The following SF3B3 variants were observed in gnomAD, a reference collection of about 807,000 sequenced individuals.
SF3B3 encodes the protein SAP 130.
In SF3B3, 33 loss-of-function variants were observed where a neutral mutation model predicts 139.2. The ratio of observed to expected loss-of-function variants is 0.24; its 90% CI spans 0.18 to 0.32. The LOEUF is 0.32. Among genes scored for constraint, SF3B3 ranks in the 10% least tolerant of loss-of-function variants. The probability of loss-of-function intolerance (pLI) is 1.00; values close to 1 mark genes in which losing one functional copy is unlikely to be tolerated. For synonymous variants in SF3B3, 596 were observed against 563.6 expected, an observed-to-expected ratio of 1.06 and a Z score of -0.81; for missense variants, 818 against 1,509.4, an observed-to-expected ratio of 0.54 and a Z score of 7.59.
intron 22 of SF3B3, 67 bp downstream of exon 22, chr16:70,568,562 A>G: frequency 7.8e-7 from 1 of 1,278,374 alleles, no homozygotes. Context: ...TCTTGTGGGT[A>G]AAGCCAAGGA....
intron 11 of SF3B3, among the ~76,000 whole-genome samples, chr16:70,549,237 A>T (rs1409159755): frequency 6.6e-6 from 1 of 152,194 alleles, no homozygotes; most frequent in Non-Finnish European, 1.5e-5. Context: ...ATTCTGCCTG[A>T]TATTTAGATA....
At chr16:70,548,612 C>A (rs2050291174) in intron 11 of SF3B3, 170 bp downstream of exon 11, 2 of 580,764 alleles carry the variant, frequency 3.4e-6, no homozygotes, top group Non-Finnish European at 6.1e-6. Context: ...ATGCCTTCAC[C>A]TACCATTTCT....
chr16:70,538,017 A>T (rs780712077), intron 6 of SF3B3: 1 of 569,770 alleles, frequency 1.8e-6, no homozygotes, highest in Non-Finnish European at 3.4e-6. Flanking sequence ...GCCTGAAATG[A>T]TGACTCTTTA....
At chr16:70,563,195 C>T (rs1467958148) in intron 17 of SF3B3, among the ~76,000 whole-genome samples, 1 of 152,186 alleles carries the variant, frequency 6.6e-6, no homozygotes, top group African/African-American at 2.4e-5. Flanking sequence ...GTCTTGAACT[C>T]CTAGCCTTAG....
intron 1 of SF3B3, among the ~76,000 whole-genome samples, chr16:70,525,337 T>C (rs986119701): frequency 1.4e-4 from 22 of 152,136 alleles, no homozygotes; most frequent in African/African-American, 4.8e-4. Flanking sequence ...GCCTCGTATA[T>C]AGTTTTTCTA....
chr16:70,567,367 G>C (rs1379520223), intron 20 of SF3B3, 44 bp from the exon 21 acceptor site: 1 of 1,584,150 alleles, frequency 6.3e-7, no homozygotes, highest in African/African-American at 1.4e-5. Flanking sequence ...GCCTGTGTCT[G>C]GCTGGCATTT....
rs906603965 is a variant in SF3B3, at chr16:70,544,683, T to C, written c.1329+150T>C. 10 of 597,220 alleles carry C rather than the reference T, an allele frequency of 1.7e-5. No individual in the cohort carries two copies. In the Admixed American group the frequency reaches 3.1e-4, roughly 18 times the overall value. The allele number at this position is 597,220 out of a possible 1,614,324, so 37.0% of individuals were successfully genotyped here. ...TCCCTGACTTCCCCGAAGTTTATACTTCAGATTTTCTTTCTTTTTGTCTCC... is the reference window on the plus strand; with the variant it reads ...TCCCTGACTTCCCCGAAGTTTATACCTCAGATTTTCTTTCTTTTTGTCTCC... On this transcript the variant is annotated intron_variant, in intron 10 of 25. Transcript: ENST00000302516.
At chr16:70,548,653 G>T in intron 11 of SF3B3, 1 of 544,342 alleles carries the variant, frequency 1.8e-6, no homozygotes. Context: ...GGGAACATAG[G>T]TTGGCTGTTA....
intron 17 of SF3B3, among the ~76,000 whole-genome samples, chr16:70,562,427 C>T (rs1250944388): frequency 6.6e-6 from 1 of 152,174 alleles, no homozygotes; most frequent in Non-Finnish European, 1.5e-5. Context: ...ATCAAATGAG[C>T]TCCCAAAATT....
At chr16:70,537,870 T>TA (rs1207497246) in intron 6 of SF3B3, 2 of 358,998 alleles carry the variant, frequency 5.6e-6, no homozygotes, top group Admixed American at 3.6e-5. Flanking sequence ...GCCCAGGAGT[T>TA]AGAGACCAGT....
rs1055500627 is a variant in SF3B3, at chr16:70,542,841, C to A, written c.1233+1007C>A. ...GGTTCACGCCATTCTCCTGCCTTAG[C>A]CTCCCTAGTAGCTGGGACTACAAGC... On this transcript the variant is annotated intron_variant, in intron 9 of 25. Transcript: ENST00000302516. Among the ~76,000 whole-genome samples, 4 of 151,596 alleles carry A rather than the reference C, an allele frequency of 2.6e-5. No homozygotes were observed. The South Asian group carries it at 8.3e-4, about 32-fold the overall frequency.
At chr16:70,556,440 C>T in intron 14 of SF3B3, 106 bp downstream of exon 14, 3 of 1,311,750 alleles carry the variant, frequency 2.3e-6, no homozygotes, top group Non-Finnish European at 3.3e-6. Context: ...CTGAGATCAG[C>T]TGGGTTAGAA....
chr16:70,544,131 G>C (rs558357514), intron 9 of SF3B3, among the ~76,000 whole-genome samples: 109 of 152,304 alleles, frequency 7.2e-4, no homozygotes, highest in Non-Finnish European at 1.2e-3. Context: ...TAAATAATAA[G>C]ATGATACACT....
chr16:70,565,166 C>G lies in SF3B3; in HGVS notation c.2565C>G (p.Pro855=). The change falls in exon 19 of 26, where the codon CCC becomes CCG. Residue 855 remains proline (P), a synonymous_variant. Transcript: ENST00000302516. ...ENLPESIFGA[P]KAGNGQWASV... ...TCCCTGAATCCATCTTTGGAGCTCC[C>G]AAGGCTGGCAATGGGCAGTGGGCCT... The G allele has an allele frequency of 6.2e-7, 1 of 1,614,154 alleles. No individual in the cohort carries two copies. The highest frequency in any genetic ancestry group is 8.5e-7 in the Non-Finnish European group (1 of 1,180,040).
intron 6 of SF3B3, among the ~76,000 whole-genome samples, chr16:70,535,774 T>A (rs2050160279): frequency 6.6e-6 from 1 of 152,078 alleles, no homozygotes; most frequent in South Asian, 2.1e-4. Flanking sequence ...CCAACATTTT[T>A]ATTTTGAAAA....
Position 70,571,865 on chromosome 16 carries a change from A to G in SF3B3, c.*52A>G, listed in dbSNP as rs780254528. On this transcript the variant is annotated 3_prime_UTR_variant, in exon 26 of 26. Coordinates refer to ENST00000302516, the MANE Select transcript of SF3B3 (RefSeq NM_012426.5). ...AGAGACTGTGTGTTTTGTTTCCCCC[A>G]CCACCATCACTGCCACCTGGCTTCT... 2 of 1,558,738 alleles carry G rather than the reference A, an allele frequency of 1.3e-6. No homozygotes were observed. Among genetic ancestry groups the G allele is most frequent in the South Asian group, 1.2e-5 (1 of 84,044 alleles).
chr16:70,525,957 C>CAAAA (rs920550920), intron 1 of SF3B3, among the ~76,000 whole-genome samples: 1 of 42,248 alleles, frequency 2.4e-5, no homozygotes, highest in Non-Finnish European at 4.6e-5. Context: ...TGAGACGCCT[C>CAAAA]AAAAAAAAAA....
At chr16:70,544,769 C>T (rs2050252434) in intron 10 of SF3B3, among the ~76,000 whole-genome samples, 1 of 152,200 alleles carries the variant, frequency 6.6e-6, no homozygotes, top group Non-Finnish European at 1.5e-5. Context: ...TGGCTCACTG[C>T]AGCCTTGACC....
At chr16:70,536,983 A>G in intron 6 of SF3B3, among the ~76,000 whole-genome samples, 2 of 150,848 alleles carry the variant, frequency 1.3e-5, no homozygotes, top group Non-Finnish European at 3.0e-5. Flanking sequence ...GCTAATTTTT[A>G]TATTTTTAGT....
Sources: allele counts gnomAD v4.1 joint callset (sites outside exome capture counted in the v4.1 genomes callset), GRCh38; gene constraint gnomAD v4.1.1; transcripts MANE v1.5; gene names NCBI Gene and HGNC (gene_info 2026-07-23, HGNC 2026-07-21).